The following ATXN1 variants were observed in gnomAD, a reference collection of about 807,000 sequenced individuals.
ATXN1 encodes the protein ataxin 1.
In ATXN1, 8 loss-of-function variants were observed where a neutral mutation model predicts 56.4. The ratio of observed to expected loss-of-function variants is 0.14; its 90% CI spans 0.08 to 0.26. ATXN1 has a LOEUF of 0.26. ATXN1 is among the 10% of genes least tolerant of loss of function. The pLI is 1.00. For missense variants in ATXN1, 987 were observed against 1,106.5 expected (o/e 0.89, Z 1.53); for synonymous variants, 514 against 494.6 (o/e 1.04, Z -0.52).
intron 4 of ATXN1, among the ~76,000 whole-genome samples, chr6:16,549,896 CAAAAAAAA>C (rs66603893): frequency 3.0e-5 from 2 of 66,780 alleles, no homozygotes; most frequent in African/African-American, 1.2e-4. Flanking sequence ...AACTCTGTCT[CAAAAAAAA>C]AAAAAAAAAA....
chr6:16,711,200 T>C (rs1759515101), intron 2 of ATXN1, among the ~76,000 whole-genome samples: 1 of 152,222 alleles, frequency 6.6e-6, no homozygotes, highest in African/African-American at 2.4e-5. Context: ...ACTTCAATAA[T>C]TGTTGTTTCA....
At chr6:16,469,909 G>A (rs972371815) in intron 6 of ATXN1, among the ~76,000 whole-genome samples, 11 of 149,202 alleles carry the variant, frequency 7.4e-5, no homozygotes, top group African/African-American at 2.5e-4. Flanking sequence ...GTTTTGAGCC[G>A]AGATCACACC....
intron 2 of ATXN1, among the ~76,000 whole-genome samples, chr6:16,714,010 G>T (rs578190294): frequency 1.4e-4 from 21 of 152,162 alleles, no homozygotes; most frequent in African/African-American, 4.6e-4. Context: ...ACAAAAATTA[G>T]CCAGGCGTGG....
Position 16,471,688 on chromosome 6 carries a change from C to CGCGTGTGT in ATXN1, c.-161+14283_-161+14284insACACACGC, listed in dbSNP as rs1554150561. On this transcript the variant is annotated intron_variant, in intron 6 of 7. Coordinates refer to ENST00000436367, the MANE Select transcript of ATXN1 (RefSeq NM_001128164.2). ...GAGTGTGCGTATGTGTGCATGCATGCGTGTGTGTGTGTGTGTGTGTGTGAG... is the reference window on the plus strand; with the variant it reads ...GAGTGTGCGTATGTGTGCATGCATGCGCGTGTGTGTGTGTGTGTGTGTGTGTGTGTGAG... Among the ~76,000 whole-genome samples, 9 of 149,390 alleles carry CGCGTGTGT rather than the reference C, an allele frequency of 6.0e-5. No individual in the cohort carries two copies. In the South Asian group the frequency reaches 1.9e-3, roughly 32 times the overall value.
At chr6:16,757,418 A>C (rs1302877427) in intron 1 of ATXN1, among the ~76,000 whole-genome samples, 1 of 152,208 alleles carries the variant, frequency 6.6e-6, no homozygotes, top group Non-Finnish European at 1.5e-5. Flanking sequence ...AGGACCTCCA[A>C]GGCATTGTGT....
At chr6:16,753,056 G>A (rs976825305) in intron 2 of ATXN1, 177 bp downstream of exon 2, 3 of 344,872 alleles carry the variant, frequency 8.7e-6, no homozygotes, top group Non-Finnish European at 1.1e-5. Context: ...TACTTTAATC[G>A]AAGTTTTAAA....
intron 2 of ATXN1, among the ~76,000 whole-genome samples, chr6:16,675,275 T>C (rs1288676451): frequency 6.6e-6 from 1 of 152,234 alleles, no homozygotes; most frequent in Non-Finnish European, 1.5e-5. Flanking sequence ...TACTGCCGTA[T>C]GAGTCCGTGC....
intron 3 of ATXN1, among the ~76,000 whole-genome samples, chr6:16,639,589 C>T (rs1202148130): frequency 3.3e-5 from 5 of 152,108 alleles, no homozygotes; most frequent in African/African-American, 1.2e-4. Context: ...GCTGGGATTA[C>T]AGGCCTGAGC....
At chr6:16,428,293 G>A (rs1759201773) in intron 6 of ATXN1, among the ~76,000 whole-genome samples, 1 of 151,658 alleles carries the variant, frequency 6.6e-6, no homozygotes, top group South Asian at 2.1e-4. Context: ...ACATTTTTGT[G>A]TTTTTAGTTG....
At chr6:16,365,186 T>C (rs183879867) in intron 6 of ATXN1, among the ~76,000 whole-genome samples, 12 of 152,302 alleles carry the variant, frequency 7.9e-5, no homozygotes, top group Non-Finnish European at 1.6e-4. Flanking sequence ...TTTTCTTTTT[T>C]TTCTTATTGA....
chr6:16,584,279 C>CATAT (rs112137981), intron 4 of ATXN1, among the ~76,000 whole-genome samples: 1 of 141,668 alleles, frequency 7.1e-6, no homozygotes, highest in South Asian at 2.3e-4. Context: ...CACATATACA[C>CATAT]ATATATATAT....
chr6:16,463,210 A>T (rs1760035123), intron 6 of ATXN1, among the ~76,000 whole-genome samples: 1 of 152,178 alleles, frequency 6.6e-6, no homozygotes, highest in Non-Finnish European at 1.5e-5. Flanking sequence ...TAACATACAC[A>T]ACCAGTTCTG....
intron 2 of ATXN1, among the ~76,000 whole-genome samples, chr6:16,703,513 TCTTTATAAC>T: frequency 6.6e-6 from 1 of 152,294 alleles, no homozygotes; most frequent in South Asian, 2.1e-4. Context: ...TCTATATTTC[TCTTTATAAC>T]CTCTATGAAA....
intron 2 of ATXN1, among the ~76,000 whole-genome samples, chr6:16,659,765 TTC>T (rs1411458032): frequency 2.0e-5 from 3 of 152,228 alleles, no homozygotes; most frequent in East Asian, 1.9e-4. Context: ...AGTACTCTCT[TTC>T]TGTTTTGTTT....
Position 16,326,254 on chromosome 6 carries a change from G to A in ATXN1, c.1917+140C>T. On this transcript the variant is annotated intron_variant, in intron 7 of 7. Transcript: ENST00000436367. This position sits in a 1 kb window ranked among gnomAD's most constrained non-coding sequence, Gnocchi z 6.6. ...GGGCTTATTTTTTCTAGAGAACGCA[G>A]TTGGGAAAGGCCGAGTCTAAGGTCT... is the stretch of plus-strand genomic sequence containing the variant. 2 of 1,433,812 alleles carry A rather than the reference G, an allele frequency of 1.4e-6. No individual in the cohort carries two copies. Among genetic ancestry groups the A allele is most frequent in the Non-Finnish European group, 1.8e-6 (2 of 1,094,048 alleles). 88.8% of individuals were successfully genotyped at this position (1,433,812 alleles called of 1,614,324 possible). A position where few individuals can be genotyped will look rare whatever the true frequency, so the allele number is the denominator to read the frequency against.
chr6:16,406,640 C>A (rs998590766), intron 6 of ATXN1, among the ~76,000 whole-genome samples: 1 of 152,212 alleles, frequency 6.6e-6, no homozygotes, highest in African/African-American at 2.4e-5. Context: ...TTAGCTCCCA[C>A]AATTTAGCCT....
intron 6 of ATXN1, among the ~76,000 whole-genome samples, chr6:16,414,354 C>T (rs376426481): frequency 2.0e-5 from 3 of 152,270 alleles, no homozygotes; most frequent in East Asian, 3.9e-4. Flanking sequence ...AAAACCCATC[C>T]AACCCATTTT....
chr6:16,481,377 T>C (rs1313044037), intron 6 of ATXN1, among the ~76,000 whole-genome samples: 1 of 152,132 alleles, frequency 6.6e-6, no homozygotes. Flanking sequence ...ATTGCTCTTA[T>C]TAGAGTGTGC....
At chr6:16,434,581 C>T (rs1271091124) in intron 6 of ATXN1, among the ~76,000 whole-genome samples, 1 of 152,174 alleles carries the variant, frequency 6.6e-6, no homozygotes, top group Admixed American at 6.5e-5. Context: ...GGTAACAGTC[C>T]ATTCATGATG....
Sources: gnomAD v4.1 joint callset for allele counts (sites outside exome capture counted in the v4.1 genomes callset) on GRCh38, gnomAD v4.1.1 for gene constraint, Gnocchi (gnomAD v3.1) non-coding constraint, MANE v1.5 for transcripts, NCBI Gene and HGNC (gene_info 2026-07-23, HGNC 2026-07-21) for gene names.